The following PTCHD4 variants were observed in gnomAD, a reference collection of about 807,000 sequenced individuals.
PTCHD4 encodes patched domain-containing protein 4.
A neutral mutation model predicts 58.1 loss-of-function variants in PTCHD4; 33 were observed. The observed-to-expected ratio is 0.57, with a 90% CI of 0.43 to 0.76. The LOEUF (loss-of-function observed/expected upper bound fraction) is 0.76, where lower values mean the gene tolerates loss of function less well. PTCHD4 is among the 30% of genes least tolerant of loss of function. PTCHD4 has a pLI of 0.00. For synonymous variants in PTCHD4, 478 were observed against 409.6 expected (o/e 1.17, Z -2.02); for missense variants, 1,058 against 1,027.1 (o/e 1.03, Z -0.41).
chr6:47,888,181 C>A (rs996439994), intron 4 of PTCHD4, among the ~76,000 whole-genome samples: 2 of 145,378 alleles, frequency 1.4e-5, no homozygotes, highest in Admixed American at 1.5e-4. Context: ...CATGGTGAAA[C>A]CCCGTCTCTA....
At chr6:47,900,354 G>A (rs932434760) in intron 4 of PTCHD4, 30 of 152,104 alleles carry the variant, frequency 2.0e-4, no homozygotes, top group African/African-American at 6.8e-4. Context: ...GTTTTGATTT[G>A]CATTTCTTTA....
chr6:47,958,643 A>G (rs1046069479), intron 4 of PTCHD4, among the ~76,000 whole-genome samples: 3 of 152,216 alleles, frequency 2.0e-5, no homozygotes, highest in African/African-American at 7.2e-5. Context: ...AAGTAGCTAC[A>G]GGAGCAAGAA....
At chr6:47,907,834 T>TAGCC (rs940908957) in intron 4 of PTCHD4, among the ~76,000 whole-genome samples, 40 of 152,268 alleles carry the variant, frequency 2.6e-4, no homozygotes, top group Middle Eastern at 3.4e-3. Context: ...GAATCCCCTG[T>TAGCC]AGCCAGGATG....
intron 4 of PTCHD4, among the ~76,000 whole-genome samples, chr6:47,936,685 G>A (rs938878831): frequency 2.0e-5 from 3 of 152,150 alleles, no homozygotes; most frequent in Non-Finnish European, 4.4e-5. Context: ...CTATTGTGAT[G>A]TGCTAGGCAT....
At position 48,008,682 on chromosome 6, in the gene PTCHD4, C is replaced by T. The variant is rs1019639281; in HGVS notation, c.850G>A (p.Asp284Asn). The T allele has an allele frequency of 6.2e-6, 10 of 1,613,388 alleles. No homozygotes were observed. In the East Asian group the frequency reaches 8.9e-5, roughly 14 times the overall value. ...AGCAGGGTGGAGTTGTACTTTCCAT[C>T]GGTGATGAAGAAGATCCCTGCTGCT... is the stretch of plus-strand genomic sequence containing the variant. Reference protein sequence around the residue: ...ITAAGIFFITDGKYNSTLLGI... With the variant: ...ITAAGIFFITNGKYNSTLLGI... Residue 284 changes from aspartate to asparagine, a missense_variant, in exon 4 of 5, where the codon GAT becomes AAT. Physicochemically the swap from Asp to Asn is conservative, Grantham distance 23. Coordinates refer to ENST00000339488, the MANE Select transcript of PTCHD4 (RefSeq NM_001384253.1).
chr6:48,022,056 G>A (rs1476434839), intron 3 of PTCHD4, among the ~76,000 whole-genome samples: 2 of 151,966 alleles, frequency 1.3e-5, no homozygotes, highest in African/African-American at 4.8e-5. Flanking sequence ...TTAATCTTTT[G>A]ATAAAACAAA....
At chr6:47,948,667 T>C (rs1039810440) in intron 4 of PTCHD4, among the ~76,000 whole-genome samples, 2 of 152,184 alleles carry the variant, frequency 1.3e-5, no homozygotes, top group African/African-American at 2.4e-5. Context: ...ACTGGTCTCT[T>C]ACCTTTAATC....
rs372703793 is a variant in PTCHD4, at chr6:48,049,911, CCA to C, written c.417+18317_417+18318del. Among the ~76,000 whole-genome samples the C allele has an allele frequency of 4.7e-3, 718 of 151,960 alleles. 6 individuals are homozygous for C. Among genetic ancestry groups the C allele is most frequent in the African/African-American group, 0.016 (649 of 41,484 alleles). On this transcript the variant is annotated intron_variant, in intron 3 of 4. Transcript: ENST00000339488. ...GAAAAACTTTGGCTACCAGTTTCCC[CCA>C]GTCAAAATTTGTGGCAGAAAGACCT...
chr6:47,983,225 G>T (rs970319825), intron 4 of PTCHD4, among the ~76,000 whole-genome samples: 2 of 152,130 alleles, frequency 1.3e-5, no homozygotes, highest in Non-Finnish European at 2.9e-5. Flanking sequence ...GGGTACTAAA[G>T]TATATGAGGG....
chr6:48,019,331 G>C (rs1350942906), intron 3 of PTCHD4, among the ~76,000 whole-genome samples: 1 of 151,970 alleles, frequency 6.6e-6, no homozygotes, highest in Admixed American at 6.6e-5. Flanking sequence ...ATCTTCAAAG[G>C]GCCTATGGTG....
At chr6:48,086,490 G>T (rs941393865) in intron 1 of PTCHD4, among the ~76,000 whole-genome samples, 4 of 150,084 alleles carry the variant, frequency 2.7e-5, no homozygotes, top group African/African-American at 9.8e-5. Flanking sequence ...TCAAATACAA[G>T]GAAATATTAC....
rs560547852 is a variant in PTCHD4, at chr6:47,874,303, C to T, written c.*4000G>A. 5.8e-4 allele frequency among the ~76,000 whole-genome samples: 88 copies of T among 151,674 alleles called. No homozygotes were observed. The Middle Eastern group carries it at 0.01, about 18-fold the overall frequency. On this transcript the variant is annotated 3_prime_UTR_variant, in exon 5 of 5. Transcript: ENST00000339488. The stretch of plus-strand genomic sequence containing the variant: ...GACTTTAGGCCCTTAAGACCAAAAG[C>T]CATGAGGCATTTATGAATAGGTGAT...
At chr6:47,896,744 G>A (rs567764088) in intron 4 of PTCHD4, among the ~76,000 whole-genome samples, 2 of 152,264 alleles carry the variant, frequency 1.3e-5, no homozygotes, top group South Asian at 4.1e-4. Context: ...GGAGAACACC[G>A]CTGTATCTGA....
rs544282938 is a variant in PTCHD4, at chr6:48,066,713, T to C, written c.417+1517A>G. On this transcript the variant is annotated intron_variant, in intron 3 of 4. Transcript: ENST00000339488. ...AAAGCTGATAAATCATCTGTTTCGT[T>C]TCACTAAACATCAAGGGGCTGCTCA... Among the ~76,000 whole-genome samples, 13 of 152,262 alleles carry C rather than the reference T, an allele frequency of 8.5e-5. No individual in the cohort carries two copies. In the East Asian group the frequency reaches 2.5e-3, roughly 29 times the overall value.
At position 47,954,578 on chromosome 6, in the gene PTCHD4, T is replaced by C. The variant is rs534294130; in HGVS notation, c.898+54056A>G. On this transcript the variant is annotated intron_variant, in intron 4 of 4. Transcript: ENST00000339488. ...GAACATGAAGTACACTAAAGTGAGG[T>C]AGCTGACATTAGAGGCATTCTTTAA... Among the ~76,000 whole-genome samples, 42 of 152,292 alleles carry C rather than the reference T, an allele frequency of 2.8e-4. No homozygotes were observed. The South Asian group carries it at 8.1e-3, about 29-fold the overall frequency.
Position 47,896,238 on chromosome 6 carries a change from T to A in PTCHD4, c.899-16302A>T, listed in dbSNP as rs139462092. Among the ~76,000 whole-genome samples the A allele has an allele frequency of 3.0e-3, 464 of 152,332 alleles. 5 individuals are homozygous for A. Among genetic ancestry groups the A allele is most frequent in the African/African-American group, 0.011 (441 of 41,570 alleles). On this transcript the variant is annotated intron_variant, in intron 4 of 4. Transcript: ENST00000339488. Reference sequence around the variant, plus strand: ...CTGTCTTCTAATGTGATGATTGAGATGATTTCTGTGACAAATGTGGTCCAG... The same window carrying A: ...CTGTCTTCTAATGTGATGATTGAGAAGATTTCTGTGACAAATGTGGTCCAG...
At chr6:48,062,839 T>C (rs1764676788) in intron 3 of PTCHD4, among the ~76,000 whole-genome samples, 1 of 152,176 alleles carries the variant, frequency 6.6e-6, no homozygotes, top group African/African-American at 2.4e-5. Flanking sequence ...TGTGGTAGAA[T>C]GGTACCTAAG....
chr6:48,062,333 T>C (rs987427189), intron 3 of PTCHD4, among the ~76,000 whole-genome samples: 6 of 152,262 alleles, frequency 3.9e-5, no homozygotes, highest in Middle Eastern at 3.4e-3. Flanking sequence ...GGTATGTCTT[T>C]GAGTTCTACT....
At chr6:48,057,959 T>C (rs62399522) in intron 3 of PTCHD4, among the ~76,000 whole-genome samples, 1,851 of 152,194 alleles carry the variant, frequency 0.012, 19 homozygotes, top group Non-Finnish European at 0.02. Flanking sequence ...CTTGAATAGA[T>C]AAATGACAAT....
Sources: allele counts gnomAD v4.1 joint callset (sites outside exome capture counted in the v4.1 genomes callset), GRCh38; gene constraint gnomAD v4.1.1; transcripts MANE v1.5; gene names NCBI Gene and HGNC (gene_info 2026-07-23, HGNC 2026-07-21).